The following ERBB4 variants were observed in gnomAD, a reference collection of about 807,000 sequenced individuals.
ERBB4 encodes the protein receptor tyrosine-protein kinase erbB-4.
Under a neutral mutation model 158.0 loss-of-function variants are expected in ERBB4, and 42 were observed. The ratio of observed to expected loss-of-function variants is 0.27; its 90% CI spans 0.21 to 0.34. The LOEUF is 0.34. Ranked by LOEUF, ERBB4 falls within the 10% of genes least tolerant of loss-of-function variation. ERBB4 has a pLI of 1.00. For synonymous variants in ERBB4, 583 were observed against 558.7 expected, an observed-to-expected ratio of 1.04 and a Z score of -0.61; for missense variants, 1,333 against 1,624.1, an observed-to-expected ratio of 0.82 and a Z score of 3.08.
chr2:211,722,614 G>GT (rs577898365), intron 6 of ERBB4, 80 bp from the exon 7 acceptor site: 5 of 1,381,194 alleles, frequency 3.6e-6, no homozygotes, highest in Middle Eastern at 1.8e-4. Flanking sequence ...AACAGGAGAA[G>GT]TTTTTTTCTA....
intron 1 of ERBB4, among the ~76,000 whole-genome samples, chr2:212,220,891 G>T (rs1245420240): frequency 2.0e-5 from 3 of 151,442 alleles, no homozygotes; most frequent in Non-Finnish European, 3.0e-5. Flanking sequence ...TCAGCACAAT[G>T]ATCATATTTA....
intron 1 of ERBB4, among the ~76,000 whole-genome samples, chr2:212,150,525 A>G (rs1444755442): frequency 6.6e-6 from 1 of 152,140 alleles, no homozygotes; most frequent in Non-Finnish European, 1.5e-5. Context: ...AACTAATAAC[A>G]TGAATGTTTT....
intron 1 of ERBB4, among the ~76,000 whole-genome samples, chr2:212,333,778 G>T (rs2088298517): frequency 6.6e-6 from 1 of 151,798 alleles, no homozygotes; most frequent in Non-Finnish European, 1.5e-5. Context: ...AAAGCCTTCT[G>T]GTCATTATGA....
intron 2 of ERBB4, among the ~76,000 whole-genome samples, chr2:212,033,505 A>G (rs2076948277): frequency 6.6e-6 from 1 of 151,886 alleles, no homozygotes; most frequent in African/African-American, 2.4e-5. Flanking sequence ...CTTTTCCAAT[A>G]TTTGTATTTA....
intron 4 of ERBB4, among the ~76,000 whole-genome samples, chr2:211,780,296 C>T (rs2076003501): frequency 6.6e-6 from 1 of 151,948 alleles, no homozygotes; most frequent in Non-Finnish European, 1.5e-5. Context: ...CCCAAGCGGT[C>T]GAGGCTCCAG....
In ERBB4 at chr2:211,715,122, T is replaced by A. The variant is rs902527335; in HGVS notation, c.884-1474A>T. Among the ~76,000 whole-genome samples, 12 of 152,312 alleles carry A rather than the reference T, an allele frequency of 7.9e-5. 1 individual carries two copies. The highest frequency in any genetic ancestry group is 7.8e-4 in the Admixed American group (12 of 15,294). On this transcript the variant is annotated intron_variant, in intron 7 of 27. Coordinates refer to ENST00000342788, the MANE Select transcript of ERBB4 (RefSeq NM_005235.3). ...AATTCTAGGTAGCGAAATTGATTACTCATTTTGTATGAAAAGAGAAGTTGC... is the reference window on the plus strand; with the variant it reads ...AATTCTAGGTAGCGAAATTGATTACACATTTTGTATGAAAAGAGAAGTTGC...
At chr2:211,497,236 A>G (rs2065491982) in intron 20 of ERBB4, among the ~76,000 whole-genome samples, 1 of 152,234 alleles carries the variant, frequency 6.6e-6, no homozygotes, top group South Asian at 2.1e-4. Flanking sequence ...GTATTTTAAT[A>G]ATTCTTAAGA....
intron 22 of ERBB4, among the ~76,000 whole-genome samples, chr2:211,426,619 T>C (rs1016993134): frequency 6.6e-6 from 1 of 152,086 alleles, no homozygotes; most frequent in Non-Finnish European, 1.5e-5. Flanking sequence ...AGACAAATTT[T>C]ACTATTAAAA....
intron 16 of ERBB4, among the ~76,000 whole-genome samples, chr2:211,634,348 T>G (rs990786317): frequency 1.3e-5 from 2 of 152,228 alleles, no homozygotes. Flanking sequence ...TAGTTTGATA[T>G]GTCTGAGACA....
chr2:211,792,937 T>C (rs1009407112), intron 3 of ERBB4, among the ~76,000 whole-genome samples: 2 of 151,890 alleles, frequency 1.3e-5, no homozygotes, highest in South Asian at 2.1e-4. Flanking sequence ...ACAGAATCAT[T>C]GACATTTTGC....
At chr2:211,874,132 T>A (rs1223471611) in intron 3 of ERBB4, among the ~76,000 whole-genome samples, 1 of 152,060 alleles carries the variant, frequency 6.6e-6, no homozygotes, top group Non-Finnish European at 1.5e-5. Context: ...ATCACTGCAT[T>A]CCAGTCAAAA....
intron 19 of ERBB4, among the ~76,000 whole-genome samples, chr2:211,566,299 A>G (rs1239871097): frequency 2.6e-5 from 4 of 152,180 alleles, no homozygotes; most frequent in Non-Finnish European, 5.9e-5. Flanking sequence ...CAACATGGGG[A>G]TCAGAACTGG....
intron 4 of ERBB4, among the ~76,000 whole-genome samples, chr2:211,765,079 T>TC (rs1361184810): frequency 1.3e-5 from 2 of 152,054 alleles, no homozygotes; most frequent in Admixed American, 6.6e-5. Context: ...AAGGTGCCCC[T>TC]CCCCATCTCA....
At position 212,529,500 on chromosome 2, in the gene ERBB4, C is replaced by T. The variant is rs562607648; in HGVS notation, c.82+8949G>A. On this transcript the variant is annotated intron_variant, in intron 1 of 27. Transcript: ENST00000342788. ...TAAAGAAATTTGCAGGGTAAACATG[C>T]CCAATAGCTATTATTAAGAATTCTA... 1.5e-4 allele frequency among the ~76,000 whole-genome samples: 23 copies of T among 152,210 alleles called. No homozygotes were observed. The East Asian group carries it at 3.7e-3, about 24-fold the overall frequency.
In ERBB4 at chr2:211,458,900, G is replaced by A. The variant is rs2064456519; in HGVS notation, c.2488-27800C>T. ...TAGTTTTCTGCAGCTCTTTAAGAAA[G>A]GTGTAAAAAAATGGTATTGATTCAA... On this transcript the variant is annotated intron_variant, in intron 20 of 27. Coordinates refer to ENST00000342788, the MANE Select transcript of ERBB4 (RefSeq NM_005235.3). Among the ~76,000 whole-genome samples, 6 of 152,102 alleles carry A rather than the reference G, an allele frequency of 3.9e-5. No individual in the cohort carries two copies. The South Asian group carries it at 1.2e-3, about 32-fold the overall frequency.
chr2:212,536,647 C>A (rs1693083640), intron 1 of ERBB4, among the ~76,000 whole-genome samples: 1 of 152,192 alleles, frequency 6.6e-6, no homozygotes, highest in South Asian at 2.1e-4. Flanking sequence ...AGGACAGCTG[C>A]AGAACTAATT....
intron 4 of ERBB4, among the ~76,000 whole-genome samples, chr2:211,751,126 G>C (rs1309499827): frequency 6.6e-6 from 1 of 151,976 alleles, no homozygotes; most frequent in Non-Finnish European, 1.5e-5. Context: ...AAAATAAGTG[G>C]AAATCTATGA....
chr2:211,861,244 A>G (rs2078040276), intron 3 of ERBB4, among the ~76,000 whole-genome samples: 1 of 131,786 alleles, frequency 7.6e-6, no homozygotes, highest in Non-Finnish European at 1.6e-5. Flanking sequence ...GGCTCACTGC[A>G]GCCTCCACCT....
intron 5 of ERBB4, among the ~76,000 whole-genome samples, chr2:211,748,630 G>T (rs1293810707): frequency 6.6e-6 from 1 of 152,190 alleles, no homozygotes; most frequent in South Asian, 2.1e-4. Context: ...GTGTGGTTGG[G>T]CCCACCAGAG....
Sources: allele counts gnomAD v4.1 joint callset (sites outside exome capture counted in the v4.1 genomes callset), GRCh38; gene constraint gnomAD v4.1.1; transcripts MANE v1.5; gene names NCBI Gene and HGNC (gene_info 2026-07-23, HGNC 2026-07-21).